C1orf21: variants seen among roughly 807,000 people sequenced by gnomAD.
C1orf21 encodes uncharacterized protein C1orf21.
Under a neutral mutation model 18.7 loss-of-function variants are expected in C1orf21, and 3 were observed. The observed-to-expected ratio is 0.16, with a 90% CI of 0.07 to 0.42. The LOEUF (loss-of-function observed/expected upper bound fraction) is 0.42, where lower values mean the gene tolerates loss of function less well. Ranked by LOEUF, C1orf21 falls within the 10% of genes least tolerant of loss-of-function variation. C1orf21 has a pLI of 0.99. For synonymous variants in C1orf21, 41 were observed against 46.4 expected (o/e 0.88, Z 0.47); for missense variants, 104 against 143.6 (o/e 0.72, Z 1.41).
chr1:184,525,750 T>C lies in C1orf21; in HGVS notation c.189+18068T>C, dbSNP rs144824578. On this transcript the variant is annotated intron_variant, in intron 3 of 5. Coordinates refer to ENST00000235307, the MANE Select transcript of C1orf21 (RefSeq NM_030806.4). ...GAAAATAAAATTATACAAAAAGCAT[T>C]TAAAACACAAGGATTTACAGCTGGG... 2.6e-3 allele frequency among the ~76,000 whole-genome samples: 390 copies of C among 152,274 alleles called. 3 individuals carry two copies. Among genetic ancestry groups the C allele is most frequent in the African/African-American group, 8.8e-3 (367 of 41,574 alleles).
intron 1 of C1orf21, among the ~76,000 whole-genome samples, chr1:184,396,925 CA>C (rs1246506530): frequency 6.6e-6 from 1 of 152,090 alleles, no homozygotes; most frequent in Admixed American, 6.5e-5. Context: ...ACTAGGGGCC[CA>C]GCACATATTT....
intron 1 of C1orf21, among the ~76,000 whole-genome samples, chr1:184,465,197 C>A (rs1657371926): frequency 6.6e-6 from 1 of 152,154 alleles, no homozygotes; most frequent in African/African-American, 2.4e-5. Context: ...AGAGGAAGGA[C>A]CCAACAGAAT....
chr1:184,525,324 C>T (rs1439894056), intron 3 of C1orf21, among the ~76,000 whole-genome samples: 4 of 151,996 alleles, frequency 2.6e-5, no homozygotes, highest in Admixed American at 2.0e-4. Context: ...TGTGCTCTTC[C>T]TACTATATTT....
At chr1:184,531,381 T>C (rs1208915686) in intron 3 of C1orf21, among the ~76,000 whole-genome samples, 3 of 152,230 alleles carry the variant, frequency 2.0e-5, no homozygotes, top group African/African-American at 7.2e-5. Context: ...CTATTTCTGA[T>C]TCACTAGCCC....
intron 1 of C1orf21, among the ~76,000 whole-genome samples, chr1:184,410,034 T>C (rs1004386284): frequency 6.6e-6 from 1 of 152,198 alleles, no homozygotes; most frequent in Non-Finnish European, 1.5e-5. Context: ...TATTATGAAT[T>C]GAAATAAAGT....
At chr1:184,452,847 CTGTT>C (rs1657142636) in intron 1 of C1orf21, among the ~76,000 whole-genome samples, 1 of 152,110 alleles carries the variant, frequency 6.6e-6, no homozygotes, top group African/African-American at 2.4e-5. Context: ...ATGACCGGCT[CTGTT>C]TGATGAGAGA....
chr1:184,390,283 T>C (rs1394586181), intron 1 of C1orf21, among the ~76,000 whole-genome samples: 2 of 152,138 alleles, frequency 1.3e-5, no homozygotes, highest in East Asian at 3.8e-4. Flanking sequence ...CACCTCCTCA[T>C]GGGTGGAATG....
At chr1:184,539,940 A>G (rs1658621537) in intron 3 of C1orf21, 2 of 152,252 alleles carry the variant, frequency 1.3e-5, no homozygotes. Flanking sequence ...GAATAAGGAC[A>G]TGACACGGAG....
At chr1:184,600,714 A>G (rs1659574639) in intron 5 of C1orf21, among the ~76,000 whole-genome samples, 1 of 152,190 alleles carries the variant, frequency 6.6e-6, no homozygotes, top group South Asian at 2.1e-4. Context: ...CCACTATTGA[A>G]TACATTTACA....
Position 184,613,014 on chromosome 1 carries a change from G to A in C1orf21, c.328-6504G>A, listed in dbSNP as rs889460301. ...CACCCAGTCTGGTGTGCAGTGGCACGATCTTGACTCACTGCAACCTCCACC... is the reference window on the plus strand; with the variant it reads ...CACCCAGTCTGGTGTGCAGTGGCACAATCTTGACTCACTGCAACCTCCACC... On this transcript the variant is annotated intron_variant, in intron 5 of 5. Coordinates refer to ENST00000235307, the MANE Select transcript of C1orf21 (RefSeq NM_030806.4). 4.6e-5 allele frequency among the ~76,000 whole-genome samples: 7 copies of A among 151,966 alleles called. No homozygotes were observed. In the East Asian group the frequency reaches 1.2e-3, roughly 25 times the overall value.
chr1:184,439,728 A>G (rs553524641), intron 1 of C1orf21, among the ~76,000 whole-genome samples: 93 of 152,288 alleles, frequency 6.1e-4, no homozygotes, highest in Middle Eastern at 6.8e-3. Flanking sequence ...AGGCAAGAGG[A>G]TCACTTAAGT....
intron 4 of C1orf21, among the ~76,000 whole-genome samples, chr1:184,595,728 C>A (rs1436192680): frequency 1.3e-5 from 2 of 152,166 alleles, no homozygotes; most frequent in East Asian, 3.9e-4. Flanking sequence ...TGACACACTT[C>A]CAGTGACAAT....
chr1:184,431,313 C>G (rs1169554825), intron 1 of C1orf21, among the ~76,000 whole-genome samples: 1 of 152,156 alleles, frequency 6.6e-6, no homozygotes, highest in Non-Finnish European at 1.5e-5. Context: ...GAAATAACGC[C>G]ACACATCTAC....
intron 3 of C1orf21, among the ~76,000 whole-genome samples, chr1:184,512,063 C>T (rs1158544993): frequency 6.6e-6 from 1 of 152,178 alleles, no homozygotes; most frequent in African/African-American, 2.4e-5. Context: ...TCAAAGAAAG[C>T]CTCTTAAGAC....
chr1:184,606,586 A>T (rs763921535), intron 5 of C1orf21, among the ~76,000 whole-genome samples: 5 of 152,150 alleles, frequency 3.3e-5, no homozygotes, highest in Admixed American at 6.5e-5. Context: ...TCTCTTAAAA[A>T]ACAAAAAAGT....
intron 1 of C1orf21, among the ~76,000 whole-genome samples, chr1:184,404,641 A>G (rs146408243): frequency 5.6e-4 from 86 of 152,332 alleles, no homozygotes; most frequent in Middle Eastern, 6.8e-3. Flanking sequence ...CAATTTCAAC[A>G]TAAGTTTTAG....
At chr1:184,569,124 C>T (rs1659075001) in intron 3 of C1orf21, among the ~76,000 whole-genome samples, 2 of 152,192 alleles carry the variant, frequency 1.3e-5, no homozygotes, top group African/African-American at 4.8e-5. Flanking sequence ...TGGTTCTACC[C>T]AGGATGAGAG....
chr1:184,439,040 AT>A (rs1196735301), intron 1 of C1orf21, among the ~76,000 whole-genome samples: 7 of 152,018 alleles, frequency 4.6e-5, no homozygotes, highest in Non-Finnish European at 8.8e-5. Flanking sequence ...GTGAAAACCC[AT>A]TTCTACTAAA....
rs568425504 is a variant in C1orf21, at chr1:184,594,719, C to G, written c.267-3682C>G. Among the ~76,000 whole-genome samples the G allele has an allele frequency of 1.1e-4, 17 of 152,244 alleles. 2 individuals carry two copies. The South Asian group carries it at 3.5e-3, about 32-fold the overall frequency. ...AGGAGGTCAGAAGTCCCCTCCTGCA[C>G]CTGCTGTTTCCAGTTGTCTTTAGCT... On this transcript the variant is annotated intron_variant, in intron 4 of 5. Coordinates refer to ENST00000235307, the MANE Select transcript of C1orf21 (RefSeq NM_030806.4).
Sources: allele counts gnomAD v4.1 joint callset (sites outside exome capture counted in the v4.1 genomes callset), GRCh38; gene constraint gnomAD v4.1.1; transcripts MANE v1.5; gene names NCBI Gene and HGNC (gene_info 2026-07-23, HGNC 2026-07-21).